Variants in IL1RAPL1 observed in about 807,000 individuals in gnomAD.
IL1RAPL1 encodes interleukin 1 receptor accessory protein like 1.
In IL1RAPL1, 3 loss-of-function variants were observed where a neutral mutation model predicts 48.4. That is an observed-to-expected ratio of 0.06 (90% CI 0.03 to 0.16). The LOEUF (loss-of-function observed/expected upper bound fraction) is 0.16. IL1RAPL1 is among the 10% of genes least tolerant of loss of function. The pLI is 1.00. For missense variants in IL1RAPL1, 349 were observed against 530.6 expected (o/e 0.66, Z 3.36); for synonymous variants, 185 against 187.7 (o/e 0.99, Z 0.12).
chrX:29,087,838 C>T lies in IL1RAPL1; in HGVS notation c.83-195100C>T, dbSNP rs775053309. On this transcript the variant is annotated intron_variant, in intron 2 of 10. Transcript: ENST00000378993. ...TGTGCTTGAGCCCAGGAGTTGAGAC[C>T]GGCCTGGGCAACATGGCAAAACCCC... Among the ~76,000 whole-genome samples the T allele has an allele frequency of 5.4e-5, 6 of 111,812 alleles. No individual in the cohort carries two copies. In the South Asian group the frequency reaches 1.9e-3, roughly 35 times the overall value.
chrX:29,425,097 T>C lies in IL1RAPL1; in HGVS notation c.703+25789T>C, dbSNP rs754753104. Among the ~76,000 whole-genome samples the C allele has an allele frequency of 7.2e-5, 8 of 111,677 alleles. No homozygotes were observed. The South Asian group carries it at 3.0e-3, about 42-fold the overall frequency. On this transcript the variant is annotated intron_variant, in intron 5 of 10. Transcript: ENST00000378993. Reference sequence around the variant, plus strand: ...TAAGCCTGACAGAGCCATTTTAGCCTCTTTTCATGACTTCAGACTTTCCCT... The same window carrying C: ...TAAGCCTGACAGAGCCATTTTAGCCCCTTTTCATGACTTCAGACTTTCCCT...
At chrX:29,582,034 A>G (rs1458914084) in intron 5 of IL1RAPL1, among the ~76,000 whole-genome samples, 1 of 112,003 alleles carries the variant, frequency 8.9e-6, no homozygotes, top group African/African-American at 3.2e-5. Context: ...ATGGGTGAGA[A>G]CAACACTACA....
At chrX:29,133,563 A>G (rs188345841) in intron 2 of IL1RAPL1, among the ~76,000 whole-genome samples, 330 of 111,939 alleles carry the variant, frequency 2.9e-3, no homozygotes, top group Non-Finnish European at 4.4e-3. Context: ...CCAAAAGTAC[A>G]GAGAGTTCCT....
chrX:28,653,935 G>A (rs1190615247), intron 1 of IL1RAPL1, among the ~76,000 whole-genome samples: 1 of 111,616 alleles, frequency 9.0e-6, no homozygotes. Flanking sequence ...TTTTATATAT[G>A]CCATCATATT....
At position 29,707,316 on chromosome X, in the gene IL1RAPL1, G is replaced by A. The variant is rs1352563439; in HGVS notation, c.778+38812G>A. On this transcript the variant is annotated intron_variant, in intron 6 of 10. Coordinates refer to ENST00000378993, the MANE Select transcript of IL1RAPL1 (RefSeq NM_014271.4). ...GTTGTTGGCATTGATATGGTGAAAG[G>A]GAACACTTTTATGCTATTGGTGGGA... 4.5e-5 allele frequency among the ~76,000 whole-genome samples: 5 copies of A among 111,721 alleles called. No homozygotes were observed. The Admixed American group carries it at 4.8e-4, about 11-fold the overall frequency.
chrX:29,880,562 G>A (rs951238899), intron 6 of IL1RAPL1, among the ~76,000 whole-genome samples: 1 of 111,856 alleles, frequency 8.9e-6, no homozygotes, highest in Non-Finnish European at 1.9e-5. Flanking sequence ...CAAATATTTT[G>A]TGTTTCCATT....
chrX:28,624,120 A>G (rs1293369585), intron 1 of IL1RAPL1, among the ~76,000 whole-genome samples: 1 of 111,836 alleles, frequency 8.9e-6, no homozygotes, highest in African/African-American at 3.3e-5. Flanking sequence ...CTATCTTCAA[A>G]TTTGTTTTCC....
chrX:29,055,002 C>CCAGT (rs909618475), intron 2 of IL1RAPL1, among the ~76,000 whole-genome samples: 1 of 111,496 alleles, frequency 9.0e-6, no homozygotes, highest in African/African-American at 3.3e-5. Flanking sequence ...CATGTGCAGA[C>CCAGT]CAGTGTTCAA....
At chrX:28,759,919 A>G (rs1372186744) in intron 1 of IL1RAPL1, among the ~76,000 whole-genome samples, 4 of 112,065 alleles carry the variant, frequency 3.6e-5, no homozygotes, top group Non-Finnish European at 7.5e-5. Flanking sequence ...TTAAAAAAAG[A>G]CAAATATCCT....
chrX:28,873,106 C>CTT (rs764591682), intron 2 of IL1RAPL1, among the ~76,000 whole-genome samples: 129 of 64,954 alleles, frequency 2.0e-3, no homozygotes, highest in East Asian at 8.8e-3. Context: ...TTTTTTTTCA[C>CTT]TTTTTTTTTT....
chrX:29,054,148 G>A lies in IL1RAPL1; in HGVS notation c.83-228790G>A, dbSNP rs745905610. The stretch of plus-strand genomic sequence containing the variant: ...TCAAATTCTGTGTAACATATAGAAA[G>A]ACTTGCCCCCTTTACCTGACTGAGA... On this transcript the variant is annotated intron_variant, in intron 2 of 10. Transcript: ENST00000378993. 1.5e-4 allele frequency among the ~76,000 whole-genome samples: 17 copies of A among 111,082 alleles called. No individual in the cohort carries two copies. The East Asian group carries it at 4.3e-3, about 28-fold the overall frequency.
At chrX:29,481,404 CAG>C (rs1935040812) in intron 5 of IL1RAPL1, among the ~76,000 whole-genome samples, 1 of 112,674 alleles carries the variant, frequency 8.9e-6, no homozygotes. Flanking sequence ...ACTTCTGTGA[CAG>C]AGAGGGTGTT....
chrX:29,762,654 T>A (rs965883531), intron 6 of IL1RAPL1, among the ~76,000 whole-genome samples: 1 of 112,139 alleles, frequency 8.9e-6, no homozygotes, highest in Non-Finnish European at 1.9e-5. Context: ...CATATGGTGG[T>A]AAACAAAACA....
intron 1 of IL1RAPL1, among the ~76,000 whole-genome samples, chrX:28,635,920 C>T (rs1018808205): frequency 8.9e-6 from 1 of 112,044 alleles, no homozygotes. Context: ...ACAGTGTTTT[C>T]TTGTCTTCCT....
At chrX:28,834,935 C>T (rs985648918) in intron 2 of IL1RAPL1, among the ~76,000 whole-genome samples, 4 of 110,741 alleles carry the variant, frequency 3.6e-5, no homozygotes, top group Non-Finnish European at 5.7e-5. Context: ...ACACACACAC[C>T]GATAATACAG....
At chrX:29,653,940 A>ATTTT (rs1350357785) in intron 5 of IL1RAPL1, among the ~76,000 whole-genome samples, 6 of 104,396 alleles carry the variant, frequency 5.7e-5, no homozygotes, top group African/African-American at 1.1e-4. Context: ...TTATTTATTT[A>ATTTT]TTTTTTGGCT....
chrX:29,052,771 A>C (rs1006957024), intron 2 of IL1RAPL1, among the ~76,000 whole-genome samples: 6 of 111,546 alleles, frequency 5.4e-5, no homozygotes, highest in Non-Finnish European at 9.4e-5. Context: ...TCCCGGGTTC[A>C]AGCGATTCTC....
intron 6 of IL1RAPL1, among the ~76,000 whole-genome samples, chrX:29,741,953 A>G (rs1048750394): frequency 9.3e-5 from 10 of 107,878 alleles, no homozygotes; most frequent in Non-Finnish European, 1.5e-4. Flanking sequence ...AAAAAAAAAA[A>G]AAGAAAAGCC....
At chrX:29,839,390 CTAATA>C (rs2147192603) in intron 6 of IL1RAPL1, among the ~76,000 whole-genome samples, 1 of 112,061 alleles carries the variant, frequency 8.9e-6, no homozygotes, top group South Asian at 3.8e-4. Flanking sequence ...AGCAAATATT[CTAATA>C]TGAGAACAAC....
Sources: allele counts gnomAD v4.1 joint callset (sites outside exome capture counted in the v4.1 genomes callset), GRCh38; gene constraint gnomAD v4.1.1; transcripts MANE v1.5; gene names NCBI Gene and HGNC (gene_info 2026-07-23, HGNC 2026-07-21).